Variants in ARHGAP22 observed in about 807,000 individuals in gnomAD.
ARHGAP22 encodes the protein rho GTPase-activating protein 22.
In ARHGAP22, 48 loss-of-function variants were observed where a neutral mutation model predicts 59.1. The ratio of observed to expected loss-of-function variants is 0.81; its 90% CI spans 0.64 to 1.03. ARHGAP22 has a LOEUF of 1.03. Ranked by LOEUF, ARHGAP22 falls within the 50% of genes least tolerant of loss-of-function variation. The probability of loss-of-function intolerance (pLI) is 0.00; values close to 1 mark genes in which losing one functional copy is unlikely to be tolerated. For missense variants in ARHGAP22, 1,015 were observed against 958.7 expected, an observed-to-expected ratio of 1.06 and a Z score of -0.78; for synonymous variants, 445 against 416.4, an observed-to-expected ratio of 1.07 and a Z score of -0.84.
At chr10:48,563,697 T>C (rs938876657) in intron 2 of ARHGAP22, among the ~76,000 whole-genome samples, 2 of 152,204 alleles carry the variant, frequency 1.3e-5, no homozygotes, top group African/African-American at 2.4e-5. Context: ...CTACTTCAAA[T>C]GTAGATTTGA....
chr10:48,571,684 AT>A (rs1247677137), intron 2 of ARHGAP22, among the ~76,000 whole-genome samples: 13 of 152,180 alleles, frequency 8.5e-5, no homozygotes, highest in African/African-American at 1.2e-4. Context: ...GTGATCTGTT[AT>A]TTGCCATGAT....
chr10:48,638,130 C>T (rs1200372159), intron 1 of ARHGAP22, among the ~76,000 whole-genome samples: 2 of 152,174 alleles, frequency 1.3e-5, no homozygotes, highest in South Asian at 2.1e-4. Context: ...CCACCGTTTT[C>T]CCCTAACAGA....
At chr10:48,471,762 C>T (rs886424099) in intron 4 of ARHGAP22, among the ~76,000 whole-genome samples, 1 of 152,224 alleles carries the variant, frequency 6.6e-6, no homozygotes, top group African/African-American at 2.4e-5. Flanking sequence ...ACAGGGAGAG[C>T]ACCCCCTTCT....
chr10:48,468,695 T>A (rs1212356388), intron 4 of ARHGAP22, among the ~76,000 whole-genome samples: 1 of 152,228 alleles, frequency 6.6e-6, no homozygotes, highest in East Asian at 1.9e-4. Flanking sequence ...GTTCATTTTT[T>A]AAAAGATTAC....
chr10:48,432,838 T>C, the ARHGAP22 span, among the ~76,000 whole-genome samples: 1 of 152,210 alleles, frequency 6.6e-6, no homozygotes, highest in Non-Finnish European at 1.5e-5. Context: ...TTCTAGACTT[T>C]TTCTGGATCC....
chr10:48,435,379 T>C, the ARHGAP22 span: 147 of 186,950 alleles, frequency 7.9e-4, no homozygotes, highest in Non-Finnish European at 1.4e-3. Flanking sequence ...GCAACTATTA[T>C]GTGGTGACTT....
the ARHGAP22 span, among the ~76,000 whole-genome samples, chr10:48,440,609 G>A: frequency 2.0e-5 from 3 of 152,316 alleles, no homozygotes; most frequent in East Asian, 5.8e-4. Context: ...GAACGGCCTG[G>A]CATGGGTGTA....
intron 3 of ARHGAP22, among the ~76,000 whole-genome samples, chr10:48,481,615 C>A (rs566417324): frequency 2.2e-3 from 337 of 152,288 alleles, no homozygotes; most frequent in African/African-American, 7.7e-3. Flanking sequence ...GGGTCCTGCC[C>A]CAACGTGCTC....
At chr10:48,639,983 A>G (rs2061977718) in intron 1 of ARHGAP22, among the ~76,000 whole-genome samples, 1 of 152,250 alleles carries the variant, frequency 6.6e-6, no homozygotes, top group Non-Finnish European at 1.5e-5. Flanking sequence ...GGGACATAGG[A>G]CAATAATAAA....
chr10:48,545,744 C>T (rs1402189898), intron 3 of ARHGAP22, among the ~76,000 whole-genome samples: 1 of 152,250 alleles, frequency 6.6e-6, no homozygotes, highest in Non-Finnish European at 1.5e-5. Context: ...AGTCTCCTAT[C>T]TGCTCCAAGG....
chr10:48,547,761 T>C (rs892509459), intron 3 of ARHGAP22, among the ~76,000 whole-genome samples: 1 of 152,130 alleles, frequency 6.6e-6, no homozygotes, highest in Non-Finnish European at 1.5e-5. Flanking sequence ...TGCTCCTGAG[T>C]GTGGGGGGCC....
chr10:48,446,561 C>G lies in ARHGAP22; in HGVS notation c.1927G>C (p.Asp643His), dbSNP rs753991351. The stretch of plus-strand genomic sequence containing the variant: ...ATGATGTATTTTTTCTTTTCCTGGT[C>G]CAGTTCTTCTTCTAACCGGGACATT... ...KRMSRLEEELDQEKKKYIMLE... is the reference protein window; with the variant it reads ...KRMSRLEEELHQEKKKYIMLE... The change falls in exon 10 of 10, where the codon GAC becomes CAC. Residue 643 changes from aspartate to histidine, a missense_variant. Physicochemically the swap from Asp to His is moderately conservative, Grantham distance 81. Transcript: ENST00000249601. The G allele has an allele frequency of 6.2e-7, 1 of 1,614,196 alleles. No individual in the cohort carries two copies. The highest frequency in any genetic ancestry group is 8.5e-7 in the Non-Finnish European group (1 of 1,180,032).
intron 3 of ARHGAP22, among the ~76,000 whole-genome samples, chr10:48,481,918 T>TA (rs2049362637): frequency 6.6e-6 from 1 of 152,252 alleles, no homozygotes; most frequent in African/African-American, 2.4e-5. Context: ...TTTGGTGAAA[T>TA]ATCTGTTCAA....
At chr10:48,605,334 C>G (rs555950925), upstream of ARHGAP22, among the ~76,000 whole-genome samples, 39 of 135,800 alleles carry the variant, frequency 2.9e-4, no homozygotes, top group South Asian at 2.6e-3. Context: ...GCCGAGACCC[C>G]CCCCCCACCC....
intron 2 of ARHGAP22, chr10:48,556,775 A>G (rs1473323): frequency 0.15 from 23,280 of 152,216 alleles, 1,877 homozygotes; most frequent in Admixed American, 0.23. Flanking sequence ...ATTATTGTAT[A>G]TAAGGGCTCC....
intron 1 of ARHGAP22, among the ~76,000 whole-genome samples, chr10:48,647,773 T>A (rs1454093377): frequency 6.6e-6 from 1 of 152,022 alleles, no homozygotes; most frequent in African/African-American, 2.4e-5. Context: ...ATAATCCCAA[T>A]CCAAAAACAA....
chr10:48,603,594 G>C (rs1350585235), intron 1 of ARHGAP22, among the ~76,000 whole-genome samples: 2 of 152,188 alleles, frequency 1.3e-5, no homozygotes, highest in African/African-American at 4.8e-5. Context: ...GGAGTGGGAG[G>C]GTGGAACTAA....
chr10:48,551,722 C>T (rs1373692633), intron 3 of ARHGAP22, among the ~76,000 whole-genome samples: 1 of 152,208 alleles, frequency 6.6e-6, no homozygotes, highest in Non-Finnish European at 1.5e-5. Flanking sequence ...GCACTAAAGC[C>T]CCCTTATAAG....
chr10:48,516,516 A>G (rs1470680047), intron 3 of ARHGAP22, among the ~76,000 whole-genome samples: 2 of 148,550 alleles, frequency 1.3e-5, no homozygotes, highest in African/African-American at 4.9e-5. Context: ...TGACAGAGCA[A>G]GACCCTGTCT....
Sources: allele counts gnomAD v4.1 joint callset (sites outside exome capture counted in the v4.1 genomes callset), GRCh38; gene constraint gnomAD v4.1.1; transcripts MANE v1.5; gene names NCBI Gene and HGNC (gene_info 2026-07-23, HGNC 2026-07-21).